Variants in PRRG1 observed in about 807,000 individuals in gnomAD.
PRRG1 encodes proline rich and Gla domain 1, also known as transmembrane gamma-carboxyglutamic acid protein 1.
A neutral mutation model predicts 11.8 loss-of-function variants in PRRG1; 5 were observed. The ratio of observed to expected loss-of-function variants is 0.42; its 90% CI spans 0.22 to 0.89. The LOEUF is 0.89. Among genes scored for constraint, PRRG1 ranks in the 40% least tolerant of loss-of-function variants. The pLI, the probability that PRRG1 is intolerant of heterozygous loss-of-function variation, is 0.28. For missense variants in PRRG1, 155 were observed against 166.1 expected (o/e 0.93, Z 0.37); for synonymous variants, 66 against 60.4 (o/e 1.09, Z -0.43).
intron 3 of PRRG1, among the ~76,000 whole-genome samples, chrX:37,434,118 T>A (rs1222872395): frequency 1.8e-5 from 2 of 112,546 alleles, no homozygotes; most frequent in Admixed American, 9.4e-5. Flanking sequence ...TTACTAAAAT[T>A]TATCGCTCAG....
chrX:37,407,909 A>G (rs1227369276), intron 2 of PRRG1, among the ~76,000 whole-genome samples: 2 of 111,531 alleles, frequency 1.8e-5, no homozygotes, highest in Admixed American at 1.9e-4. Flanking sequence ...AATCATGGAA[A>G]ATATCTTCTT....
At chrX:37,360,503 T>G (rs1243772725) in intron 1 of PRRG1, among the ~76,000 whole-genome samples, 3 of 112,568 alleles carry the variant, frequency 2.7e-5, no homozygotes, top group African/African-American at 9.7e-5. Context: ...AATTCCACTG[T>G]AGTCTGAGAG....
chrX:37,434,359 T>A (rs5917212), intron 3 of PRRG1, among the ~76,000 whole-genome samples: 28,900 of 111,445 alleles, frequency 0.26, 5,948 homozygotes, highest in African/African-American at 0.71. Context: ...TATGTAACAG[T>A]CACAGTATAT....
chrX:37,448,838 C>T (rs782064051), intron 3 of PRRG1, among the ~76,000 whole-genome samples: 1 of 111,492 alleles, frequency 9.0e-6, no homozygotes, highest in East Asian at 2.8e-4. Context: ...CCTATGTTTC[C>T]CAGGTTTGTC....
intron 3 of PRRG1, among the ~76,000 whole-genome samples, chrX:37,433,104 A>AT (rs1932849192): frequency 9.0e-6 from 1 of 111,468 alleles, no homozygotes. Context: ...CATCTGTATG[A>AT]TTTTTTGGCC....
intron 1 of PRRG1, among the ~76,000 whole-genome samples, chrX:37,353,097 T>TA (rs1326610588): frequency 1.8e-5 from 2 of 111,984 alleles, no homozygotes; most frequent in African/African-American, 6.5e-5. Context: ...AAGGCATTGT[T>TA]ATCATAGGGG....
chrX:37,399,471 C>T (rs1931868534), intron 1 of PRRG1, among the ~76,000 whole-genome samples: 1 of 109,735 alleles, frequency 9.1e-6, no homozygotes, highest in Admixed American at 9.7e-5. Flanking sequence ...TAAAAGAGCT[C>T]CTGAAGGAAG....
At chrX:37,422,658 G>C (rs782116880) in intron 2 of PRRG1, among the ~76,000 whole-genome samples, 1 of 111,834 alleles carries the variant, frequency 8.9e-6, no homozygotes, top group South Asian at 3.8e-4. Context: ...ACAAATGCAT[G>C]TATCATGTTC....
intron 3 of PRRG1, among the ~76,000 whole-genome samples, chrX:37,433,238 C>T (rs1932850836): frequency 8.9e-6 from 1 of 111,746 alleles, no homozygotes; most frequent in Non-Finnish European, 1.9e-5. Flanking sequence ...CCAGGTACTA[C>T]ACAATCAGTC....
intron 1 of PRRG1, among the ~76,000 whole-genome samples, chrX:37,370,665 C>T (rs782337562): frequency 3.9e-4 from 43 of 111,326 alleles, no homozygotes; most frequent in Non-Finnish European, 7.6e-4. Flanking sequence ...AGACAGGAGC[C>T]CCATCCTCCC....
intron 3 of PRRG1, among the ~76,000 whole-genome samples, chrX:37,432,281 T>C (rs1556390631): frequency 9.8e-6 from 1 of 102,557 alleles, no homozygotes; most frequent in Admixed American, 1.0e-4. Flanking sequence ...TAGAGACGGC[T>C]TTCACCCTGT....
At chrX:37,367,166 T>G (rs1293758979) in intron 1 of PRRG1, among the ~76,000 whole-genome samples, 1 of 112,258 alleles carries the variant, frequency 8.9e-6, no homozygotes, top group Non-Finnish European at 1.9e-5. Flanking sequence ...GAAGGCAACA[T>G]GGAGAATAAT....
rs782331555 is a variant in PRRG1, at chrX:37,446,870, C to T, written c.172-6266C>T. Among the ~76,000 whole-genome samples the T allele has an allele frequency of 7.3e-4, 81 of 110,694 alleles. 1 individual carries two copies. Among genetic ancestry groups the T allele is most frequent in the Non-Finnish European group, 5.9e-4 (31 of 52,978 alleles). ...TTATAACAATCCACTCTCTCGGAAA[C>T]TAATCCATACCTGTGAGAACTAGTC... On this transcript the variant is annotated intron_variant, in intron 3 of 3. Transcript: ENST00000378628.
intron 3 of PRRG1, among the ~76,000 whole-genome samples, chrX:37,432,469 A>G (rs1416300645): frequency 9.0e-6 from 1 of 111,248 alleles, no homozygotes; most frequent in Non-Finnish European, 1.9e-5. Flanking sequence ...CCACAGAGAC[A>G]GGATGCTGCA....
chrX:37,397,977 A>AACACAC (rs782125904), intron 1 of PRRG1, among the ~76,000 whole-genome samples: 1,504 of 83,956 alleles, frequency 0.018, 18 homozygotes, highest in South Asian at 0.034. Context: ...TATAAAAACT[A>AACACAC]ACACACACAC....
At chrX:37,425,149 T>A (rs1250280649) in intron 2 of PRRG1, among the ~76,000 whole-genome samples, 2 of 111,368 alleles carry the variant, frequency 1.8e-5, no homozygotes, top group Non-Finnish European at 3.8e-5. Flanking sequence ...AAAAGCATCT[T>A]TTTTACATGG....
intron 3 of PRRG1, among the ~76,000 whole-genome samples, chrX:37,435,390 T>C (rs1004139883): frequency 2.2e-4 from 24 of 111,291 alleles, no homozygotes; most frequent in African/African-American, 6.2e-4. Flanking sequence ...CCAAATTATG[T>C]ATGTAAATAC....
At chrX:37,407,583 C>T (rs1258280982) in intron 2 of PRRG1, among the ~76,000 whole-genome samples, 2 of 111,559 alleles carry the variant, frequency 1.8e-5, no homozygotes, top group Non-Finnish European at 3.8e-5. Flanking sequence ...TTGTTCATCC[C>T]TGAGGTGGGA....
chrX:37,429,924 T>A (rs1602027287), intron 3 of PRRG1, among the ~76,000 whole-genome samples: 1 of 111,708 alleles, frequency 9.0e-6, no homozygotes, highest in Non-Finnish European at 1.9e-5. Flanking sequence ...GAAACAAAAG[T>A]GGAAACCCCT....
Sources: allele counts gnomAD v4.1 joint callset (sites outside exome capture counted in the v4.1 genomes callset), GRCh38; gene constraint gnomAD v4.1.1; transcripts MANE v1.5; gene names NCBI Gene and HGNC (gene_info 2026-07-23, HGNC 2026-07-21).